SOX6: variants seen among roughly 807,000 people sequenced by gnomAD.
The protein encoded by SOX6 is SRY-box transcription factor 6, also known as transcription factor SOX-6.
A neutral mutation model predicts 97.8 loss-of-function variants in SOX6; 11 were observed. The observed-to-expected ratio is 0.11, with a 90% CI of 0.07 to 0.19. The LOEUF is 0.19. SOX6 is among the 10% of genes least tolerant of loss of function. The probability of loss-of-function intolerance (pLI) is 1.00; values close to 1 mark genes in which losing one functional copy is unlikely to be tolerated. For missense variants in SOX6, 810 were observed against 1,039.5 expected, an observed-to-expected ratio of 0.78 and a Z score of 3.04; for synonymous variants, 360 against 371.4, an observed-to-expected ratio of 0.97 and a Z score of 0.35.
At chr11:16,080,834 T>C (rs1848457275) in intron 9 of SOX6, among the ~76,000 whole-genome samples, 1 of 152,118 alleles carries the variant, frequency 6.6e-6, no homozygotes, top group African/African-American at 2.4e-5. Flanking sequence ...TAGGCTTTAC[T>C]CACAGTGAAG....
intron 6 of SOX6, among the ~76,000 whole-genome samples, chr11:16,172,361 G>A (rs1851062923): frequency 1.3e-5 from 2 of 152,036 alleles, no homozygotes; most frequent in South Asian, 4.1e-4. Context: ...GTAATGTCAG[G>A]AGTTTGTCAC....
At chr11:16,535,967 T>C (rs1359640796) in intron 4 of SOX6, among the ~76,000 whole-genome samples, 3 of 152,214 alleles carry the variant, frequency 2.0e-5, no homozygotes, top group African/African-American at 7.2e-5. Context: ...CTTTAGGACA[T>C]GACCCAAGCA....
intron 6 of SOX6, among the ~76,000 whole-genome samples, chr11:16,152,931 A>C (rs1465742530): frequency 6.6e-6 from 1 of 151,736 alleles, no homozygotes; most frequent in Non-Finnish European, 1.5e-5. Context: ...CAGTGGCGCT[A>C]TCTCGGCTCA....
At chr11:16,311,120 G>C (rs1418266182) in intron 3 of SOX6, 2 of 152,126 alleles carry the variant, frequency 1.3e-5, no homozygotes, top group African/African-American at 2.4e-5. Flanking sequence ...CCTGAAAAGA[G>C]AGTTAAACTG....
chr11:16,710,617 A>AT (rs11387521), intron 3 of SOX6, among the ~76,000 whole-genome samples: 152,349 of 152,350 alleles, frequency 1, 76,174 homozygotes, highest in Non-Finnish European at 1. Context: ...CCAGTGTTGA[A>AT]CTACCTCTTT....
chr11:16,594,713 CA>C (rs1483877326), intron 4 of SOX6, among the ~76,000 whole-genome samples: 1 of 32,032 alleles, frequency 3.1e-5, no homozygotes, highest in Non-Finnish European at 5.0e-5. Context: ...TTTTTTTAGA[CA>C]GGGTCTCACT....
At chr11:15,976,611 G>C (rs1853494144) in intron 15 of SOX6, among the ~76,000 whole-genome samples, 1 of 152,114 alleles carries the variant, frequency 6.6e-6, no homozygotes, top group African/African-American at 2.4e-5. Flanking sequence ...GGAATTGGCG[G>C]TTAATTGTAA....
At chr11:16,114,530 G>A (rs1349659781) in intron 6 of SOX6, among the ~76,000 whole-genome samples, 1 of 152,112 alleles carries the variant, frequency 6.6e-6, no homozygotes, top group Non-Finnish European at 1.5e-5. Flanking sequence ...GCATATTCAG[G>A]ACTAGAAATT....
At chr11:16,285,018 T>G (rs1854691256) in intron 3 of SOX6, among the ~76,000 whole-genome samples, 2 of 152,138 alleles carry the variant, frequency 1.3e-5, no homozygotes, top group South Asian at 4.1e-4. Context: ...GATTATAAAT[T>G]ATAATTTTTT....
chr11:16,095,510 G>A (rs1158128460), intron 9 of SOX6, among the ~76,000 whole-genome samples: 1 of 151,594 alleles, frequency 6.6e-6, no homozygotes, highest in Non-Finnish European at 1.5e-5. Flanking sequence ...AGAAATCCTG[G>A]GCAATAACCT....
intron 6 of SOX6, among the ~76,000 whole-genome samples, chr11:16,157,896 C>A (rs1013441359): frequency 6.6e-6 from 1 of 151,954 alleles, no homozygotes; most frequent in African/African-American, 2.4e-5. Flanking sequence ...TATCAAATGT[C>A]ACTTCTTTGA....
intron 2 of SOX6, among the ~76,000 whole-genome samples, chr11:16,728,006 G>A (rs1207812225): frequency 2.0e-5 from 3 of 152,028 alleles, no homozygotes; most frequent in Non-Finnish European, 4.4e-5. Flanking sequence ...CCTCAGCACC[G>A]CAAAGCCACT....
At chr11:16,332,930 T>G (rs1428890984) in intron 2 of SOX6, among the ~76,000 whole-genome samples, 1 of 152,168 alleles carries the variant, frequency 6.6e-6, no homozygotes, top group Non-Finnish European at 1.5e-5. Context: ...GTGGAATAAT[T>G]TTAGTATCAA....
At chr11:16,421,242 T>C (rs1859016718) in intron 1 of SOX6, among the ~76,000 whole-genome samples, 1 of 152,110 alleles carries the variant, frequency 6.6e-6, no homozygotes, top group Admixed American at 6.6e-5. Flanking sequence ...CAAGATAACA[T>C]ATCTGAACTC....
At chr11:16,169,628 AC>A (rs2134081674) in intron 6 of SOX6, among the ~76,000 whole-genome samples, 1 of 152,242 alleles carries the variant, frequency 6.6e-6, no homozygotes, top group South Asian at 2.1e-4. Context: ...CCAAACACTC[AC>A]AGAAAATGTT....
intron 12 of SOX6, among the ~76,000 whole-genome samples, chr11:16,036,854 A>G (rs1040706454): frequency 6.6e-6 from 1 of 152,176 alleles, no homozygotes; most frequent in Non-Finnish European, 1.5e-5. Context: ...TAAAAATAAG[A>G]ACTTAGACAG....
intron 3 of SOX6, among the ~76,000 whole-genome samples, chr11:16,307,418 A>T (rs1855474509): frequency 6.6e-6 from 1 of 152,216 alleles, no homozygotes; most frequent in African/African-American, 2.4e-5. Flanking sequence ...TTTTAGGACT[A>T]TGTACATTGG....
At chr11:16,289,411 A>G (rs2134255792) in intron 3 of SOX6, among the ~76,000 whole-genome samples, 1 of 152,094 alleles carries the variant, frequency 6.6e-6, no homozygotes, top group African/African-American at 2.4e-5. Flanking sequence ...TCATCTCTTA[A>G]ATAGCTAAGG....
chr11:16,282,087 A>G (rs184755691), intron 3 of SOX6, among the ~76,000 whole-genome samples: 1 of 150,548 alleles, frequency 6.6e-6, no homozygotes, highest in East Asian at 1.9e-4. Context: ...TGCAAGAAAA[A>G]AAATTAATTT....
Sources: allele counts gnomAD v4.1 joint callset (sites outside exome capture counted in the v4.1 genomes callset), GRCh38; gene constraint gnomAD v4.1.1; transcripts MANE v1.5; gene names NCBI Gene and HGNC (gene_info 2026-07-23, HGNC 2026-07-21).